The following HOMER1 variants were observed in gnomAD, a reference collection of about 807,000 sequenced individuals.
The protein encoded by HOMER1 is homer scaffold protein 1.
In HOMER1, 3 loss-of-function variants were observed where a neutral mutation model predicts 48.9. That is an observed-to-expected ratio of 0.06 (90% confidence interval 0.03 to 0.16). HOMER1 has a LOEUF of 0.16. HOMER1 is among the 10% of genes least tolerant of loss of function. The probability of loss-of-function intolerance (pLI) is 1.00; values close to 1 mark genes in which losing one functional copy is unlikely to be tolerated. For synonymous variants in HOMER1, 134 were observed against 146.4 expected (o/e 0.92, Z 0.61); for missense variants, 247 against 411.4 (o/e 0.60, Z 3.46).
At chr5:79,510,718 G>A in intron 1 of HOMER1, 2 of 797,770 alleles carry the variant, frequency 2.5e-6, no homozygotes, top group South Asian at 2.7e-5. Context: ...AGCTCAACTT[G>A]CCTACACTGT....
At position 79,500,952 on chromosome 5, in the gene HOMER1, T is replaced by TGTGTGTGA. The variant is rs750225307; in HGVS notation, c.5+11817_5+11818insTCACACAC. Reference sequence around the variant, plus strand: ...TTGTGTGTGTGTGTGTGTGTGTGTGTGAGACAGACAGACACACACACACAC... The same window carrying TGTGTGTGA: ...TTGTGTGTGTGTGTGTGTGTGTGTGTGTGTGTGAGAGACAGACAGACACACACACACAC... On this transcript the variant is annotated intron_variant, in intron 1 of 8. Transcript: ENST00000334082. Among the ~76,000 whole-genome samples the TGTGTGTGA allele has an allele frequency of 1.5e-3, 159 of 108,610 alleles. 2 individuals are homozygous for TGTGTGTGA. In the East Asian group the frequency reaches 0.032, roughly 22 times the overall value. 71.3% of individuals were successfully genotyped at this position (108,610 alleles called of 152,430 possible).
At chr5:79,397,669 A>T in intron 6 of HOMER1, 32 bp from the exon 7 acceptor site, 3 of 1,323,098 alleles carry the variant, frequency 2.3e-6, no homozygotes, top group Non-Finnish European at 2.1e-6. Context: ...GATTAACTTA[A>T]ATTTCAACTT....
At chr5:79,471,307 A>G (rs995075245) in intron 1 of HOMER1, among the ~76,000 whole-genome samples, 1 of 152,126 alleles carries the variant, frequency 6.6e-6, no homozygotes, top group Non-Finnish European at 1.5e-5. Context: ...GCACTTTGGG[A>G]GGCCGAGGCA....
intron 8 of HOMER1, among the ~76,000 whole-genome samples, chr5:79,380,305 G>T (rs578217355): frequency 1.3e-5 from 2 of 152,170 alleles, no homozygotes; most frequent in Non-Finnish European, 2.9e-5. Context: ...CACACAACCC[G>T]AGACCTAAGC....
chr5:79,457,337 C>T (rs1273740586), intron 1 of HOMER1, among the ~76,000 whole-genome samples: 2 of 152,194 alleles, frequency 1.3e-5, no homozygotes, highest in Non-Finnish European at 2.9e-5. Context: ...CAAAACCATG[C>T]ATCACCTGAC....
At chr5:79,404,611 C>T (rs1253774773) in intron 5 of HOMER1, among the ~76,000 whole-genome samples, 1 of 152,164 alleles carries the variant, frequency 6.6e-6, no homozygotes, top group Non-Finnish European at 1.5e-5. Flanking sequence ...GTGGCTACTA[C>T]CCTGGACAGC....
intron 5 of HOMER1, among the ~76,000 whole-genome samples, chr5:79,433,512 G>A (rs1190647495): frequency 6.6e-6 from 1 of 152,112 alleles, no homozygotes; most frequent in African/African-American, 2.4e-5. Flanking sequence ...AGGTCGCAGT[G>A]AGCTGAGATC....
chr5:79,482,235 A>C (rs1313817342), intron 1 of HOMER1, among the ~76,000 whole-genome samples: 1 of 152,184 alleles, frequency 6.6e-6, no homozygotes, highest in Non-Finnish European at 1.5e-5. Flanking sequence ...AATAAAAAAT[A>C]ATAGAATACA....
intron 1 of HOMER1, among the ~76,000 whole-genome samples, chr5:79,483,541 T>C (rs1482190409): frequency 3.9e-5 from 6 of 152,002 alleles, no homozygotes; most frequent in Admixed American, 6.5e-5. Flanking sequence ...ATAAAGATTT[T>C]CTCAGACATA....
intron 8 of HOMER1, among the ~76,000 whole-genome samples, chr5:79,393,478 G>A (rs1257630692): frequency 6.6e-6 from 1 of 152,148 alleles, no homozygotes; most frequent in Non-Finnish European, 1.5e-5. Context: ...TACAGGTAAA[G>A]ACTAAATGCA....
intron 2 of HOMER1, among the ~76,000 whole-genome samples, chr5:79,456,264 C>T (rs1383472624): frequency 6.6e-6 from 1 of 152,036 alleles, no homozygotes; most frequent in Non-Finnish European, 1.5e-5. Flanking sequence ...ACCACCAGTA[C>T]TGAGTTGAGA....
At chr5:79,407,019 G>T (rs1483315434) in intron 5 of HOMER1, among the ~76,000 whole-genome samples, 2 of 152,172 alleles carry the variant, frequency 1.3e-5, no homozygotes, top group African/African-American at 2.4e-5. Flanking sequence ...CTTCTTTGAG[G>T]TGTGCACACA....
At chr5:79,424,593 T>C (rs1028668255) in intron 5 of HOMER1, among the ~76,000 whole-genome samples, 2 of 152,008 alleles carry the variant, frequency 1.3e-5, no homozygotes, top group Non-Finnish European at 1.5e-5. Flanking sequence ...CTTAGGAACA[T>C]TTAAAATTTG....
intron 1 of HOMER1, among the ~76,000 whole-genome samples, chr5:79,475,359 G>A (rs1197146556): frequency 2.7e-5 from 4 of 150,688 alleles, no homozygotes; most frequent in African/African-American, 4.9e-5. Flanking sequence ...ACAGTTCGTC[G>A]CTGTCACCAA....
intron 6 of HOMER1, among the ~76,000 whole-genome samples, chr5:79,400,978 T>G (rs1423040189): frequency 6.7e-6 from 1 of 149,190 alleles, no homozygotes; most frequent in Non-Finnish European, 1.5e-5. Context: ...TCTTGCCATG[T>G]TGCCTGGGCT....
At chr5:79,503,532 G>GAAAAAAAAAAAAAA (rs1561390633) in intron 1 of HOMER1, among the ~76,000 whole-genome samples, 1 of 94,026 alleles carries the variant, frequency 1.1e-5, no homozygotes, top group Non-Finnish European at 2.2e-5. Context: ...CTGTCACAAA[G>GAAAAAAAAAAAAAA]AGAAAAAAAA....
At chr5:79,493,433 T>G (rs971391140) in intron 1 of HOMER1, among the ~76,000 whole-genome samples, 1 of 152,194 alleles carries the variant, frequency 6.6e-6, no homozygotes, top group Non-Finnish European at 1.5e-5. Context: ...TATCATTCAC[T>G]GGAATGTAAG....
chr5:79,502,997 A>C (rs186658163), intron 1 of HOMER1, among the ~76,000 whole-genome samples: 4,851 of 152,110 alleles, frequency 0.032, 124 homozygotes, highest in Non-Finnish European at 0.044. Flanking sequence ...TCACCGTGTT[A>C]GCCAGGACGG....
At chr5:79,411,759 T>C (rs1476342624) in intron 5 of HOMER1, among the ~76,000 whole-genome samples, 2 of 152,162 alleles carry the variant, frequency 1.3e-5, no homozygotes, top group African/African-American at 4.8e-5. Flanking sequence ...TTGCATGTAC[T>C]TTTTAGGCAT....
Sources: gnomAD v4.1 joint callset for allele counts (sites outside exome capture counted in the v4.1 genomes callset) on GRCh38, gnomAD v4.1.1 for gene constraint, MANE v1.5 for transcripts, NCBI Gene and HGNC (gene_info 2026-07-23, HGNC 2026-07-21) for gene names.